The following MFAP3 variants were observed in gnomAD, a reference collection of about 807,000 sequenced individuals.
The protein encoded by MFAP3 is microfibril associated protein 3, also known as microfibril-associated glycoprotein 3.
MFAP3 carries 8 observed loss-of-function variants against 20.5 expected under a neutral mutation model. That is an observed-to-expected ratio of 0.39 (90% CI 0.23 to 0.70). The LOEUF is 0.70. MFAP3 is among the 30% of genes least tolerant of loss of function. The pLI, the probability that MFAP3 is intolerant of heterozygous loss-of-function variation, is 0.44. For missense variants in MFAP3, 398 were observed against 444.6 expected (o/e 0.90, Z 0.94); for synonymous variants, 140 against 154.0 (o/e 0.91, Z 0.67).
In MFAP3 at chr5:154,054,349, C is replaced by T. The variant is rs1773280306; in HGVS notation, c.*636C>T. 1 of 166,892 alleles carries T rather than the reference C, an allele frequency of 6.0e-6. No individual in the cohort carries two copies. Among genetic ancestry groups the T allele is most frequent in the Non-Finnish European group, 1.5e-5 (1 of 68,176 alleles). The allele number at this position is 166,892 out of a possible 1,614,324, so 10.3% of individuals were successfully genotyped here. ...AAGATTGAATCTTTTCAATGTAGCA[C>T]ATGTCTGTAGGGTTATACAGATGTC... On this transcript the variant is annotated 3_prime_UTR_variant, in exon 3 of 3. Transcript: ENST00000522782.
Position 154,056,307 on chromosome 5 carries a change from A to G in MFAP3, c.*2594A>G, listed in dbSNP as rs1773331153. Among the ~76,000 whole-genome samples, 1 of 152,226 alleles carries G rather than the reference A, an allele frequency of 6.6e-6. No homozygotes were observed. The highest frequency in any genetic ancestry group is 6.5e-5 in the Admixed American group (1 of 15,284). On this transcript the variant is annotated 3_prime_UTR_variant, in exon 3 of 3. Transcript: ENST00000522782. ...GTACCAGCTTATGGTGCCATTGATG[A>G]GGAATTAAAGTAGGTCAAAATTTAA...
chr5:154,043,313 G>A (rs1384437333), intron 1 of MFAP3, among the ~76,000 whole-genome samples: 1 of 152,164 alleles, frequency 6.6e-6, no homozygotes, highest in Non-Finnish European at 1.5e-5. Flanking sequence ...ACTTTGGGAG[G>A]CCGAGGCAGC....
intron 2 of MFAP3, among the ~76,000 whole-genome samples, chr5:154,050,610 C>CTTTTTTTTTTTTTTTTTTTTTTTTT (rs11167656): frequency 1.1e-4 from 10 of 93,280 alleles, no homozygotes; most frequent in Middle Eastern, 6.6e-3. Flanking sequence ...CCTTCCAGCT[C>CTTTTTTTTTTTTTTTTTTTTTTTTT]TTTTTTTTTT....
At chr5:154,040,815 A>G (rs1772925188) in intron 1 of MFAP3, among the ~76,000 whole-genome samples, 1 of 152,218 alleles carries the variant, frequency 6.6e-6, no homozygotes, top group South Asian at 2.1e-4. Flanking sequence ...ATGATTCTCT[A>G]GAGTGTTCTG....
In MFAP3 at chr5:154,046,857, A is replaced by G. The variant is rs555242375; in HGVS notation, c.-166-2700A>G. ...GACCATACCCCCAGGTGATCTGCCC[A>G]CGTTTGAGCCTCTCAGTTGTTTGAC... On this transcript the variant is annotated intron_variant, in intron 1 of 2. Transcript: ENST00000522782. 2.0e-5 allele frequency among the ~76,000 whole-genome samples: 3 copies of G among 152,168 alleles called. 1 individual carries two copies. The South Asian group carries it at 6.2e-4, about 32-fold the overall frequency.
rs749684883 is a variant in MFAP3, at chr5:154,055,116, C to T, written c.*1403C>T. On this transcript the variant is annotated 3_prime_UTR_variant, in exon 3 of 3. Transcript: ENST00000522782. ...TCTTCAGCTACAGGAAGCGTGGTGC[C>T]ATATAATTTTAAGAACTTGGCAGTG... is the stretch of plus-strand genomic sequence containing the variant. 1.2e-5 allele frequency: 2 copies of T among 166,932 alleles called. No homozygotes were observed. The highest frequency in any genetic ancestry group is 2.9e-5 in the Non-Finnish European group (2 of 68,100). 10.3% of individuals were successfully genotyped at this position (166,932 alleles called of 1,614,324 possible).
chr5:154,051,675 T>C (rs551493920), intron 2 of MFAP3: 140 of 152,306 alleles, frequency 9.2e-4, no homozygotes, highest in Middle Eastern at 3.4e-3. Context: ...TATTCATAAC[T>C]ACATGTTTTC....
At chr5:154,043,709 A>G (rs1773013820) in intron 1 of MFAP3, among the ~76,000 whole-genome samples, 2 of 149,478 alleles carry the variant, frequency 1.3e-5, no homozygotes, top group South Asian at 2.1e-4. Flanking sequence ...CAGCTGCTAC[A>G]TTAAAAACAG....
intron 1 of MFAP3, among the ~76,000 whole-genome samples, chr5:154,040,303 G>A (rs1240397908): frequency 6.6e-6 from 1 of 152,200 alleles, no homozygotes; most frequent in Admixed American, 6.5e-5. Flanking sequence ...AACATAGATA[G>A]CATTTCTGTA....
chr5:154,041,232 C>A (rs1452566177), intron 1 of MFAP3, among the ~76,000 whole-genome samples: 1 of 151,962 alleles, frequency 6.6e-6, no homozygotes, highest in African/African-American at 2.4e-5. Context: ...TACAGTTTCC[C>A]CCAGAAAGAT....
intron 1 of MFAP3, 50 bp downstream of exon 1, chr5:154,039,061 C>G (rs1377634647): frequency 6.6e-6 from 1 of 152,202 alleles, no homozygotes; most frequent in Non-Finnish European, 1.5e-5. Context: ...CTAGGAGCGC[C>G]GAGGCGTGAG....
Position 154,056,348 on chromosome 5 carries a change from CT to C in MFAP3, c.*2637del, listed in dbSNP as rs138205372. ...CAAAATTTAATTGGAGTTGGTATTACTTCGTAAAGCTAGTTTTCAAGAGGAA... is the reference window on the plus strand; with the variant it reads ...CAAAATTTAATTGGAGTTGGTATTACTCGTAAAGCTAGTTTTCAAGAGGAA... On this transcript the variant is annotated 3_prime_UTR_variant, in exon 3 of 3. Coordinates refer to ENST00000522782, the MANE Select transcript of MFAP3 (RefSeq NM_005927.5). 0.011 allele frequency among the ~76,000 whole-genome samples: 1,714 copies of C among 152,256 alleles called. 43 individuals carry two copies. The highest frequency in any genetic ancestry group is 0.039 in the African/African-American group (1,608 of 41,534).
chr5:154,043,194 G>A (rs1222059779), intron 1 of MFAP3, among the ~76,000 whole-genome samples: 1 of 152,110 alleles, frequency 6.6e-6, no homozygotes, highest in Admixed American at 6.5e-5. Context: ...AGATGAAAAA[G>A]GAGTTGGATT....
At chr5:154,040,079 A>G (rs975341956) in intron 1 of MFAP3, among the ~76,000 whole-genome samples, 1 of 152,220 alleles carries the variant, frequency 6.6e-6, no homozygotes, top group Non-Finnish European at 1.5e-5. Context: ...TTTGGGGCTA[A>G]AGTATGGAAT....
intron 1 of MFAP3, among the ~76,000 whole-genome samples, chr5:154,041,638 G>A (rs1359653813): frequency 6.6e-6 from 1 of 152,360 alleles, no homozygotes; most frequent in African/African-American, 2.4e-5. Context: ...CTCATGGGCA[G>A]TGAGAAATCA....
chr5:154,049,879 A>G lies in MFAP3; in HGVS notation c.157A>G (p.Ser53Gly), dbSNP rs748271641. 4.7e-5 allele frequency: 76 copies of G among 1,613,610 alleles called. No homozygotes were observed. The highest frequency in any genetic ancestry group is 6.2e-5 in the Non-Finnish European group (73 of 1,179,732). The change falls in exon 2 of 3, where the codon AGT becomes GGT. Residue 53 changes from serine to glycine, a missense_variant. Transcript: ENST00000522782. ...SFPSSFELSA[S>G]SHSDDDVIIA... is the part of the protein sequence containing the mutation. Reference sequence around the variant, plus strand: ...TCCCTCAAGCTTTGAACTCTCAGCAAGTTCCCACTCGGATGATGATGTCAT... The same window carrying G: ...TCCCTCAAGCTTTGAACTCTCAGCAGGTTCCCACTCGGATGATGATGTCAT...
intron 1 of MFAP3, 132 bp from the exon 2 acceptor site, chr5:154,049,425 A>G (rs1223066185): frequency 6.9e-6 from 2 of 288,452 alleles, no homozygotes; most frequent in Non-Finnish European, 6.6e-6. Context: ...ATTTTTAGGT[A>G]CTGTTCCATC....
At position 154,053,679 on chromosome 5, in the gene MFAP3, A is replaced by T; in HGVS notation, c.1055A>T (p.Tyr352Phe). The T allele has an allele frequency of 6.2e-7, 1 of 1,613,314 alleles. No homozygotes were observed. Among genetic ancestry groups the T allele is most frequent in the Non-Finnish European group, 8.5e-7 (1 of 1,179,428 alleles). ...GGATCTGCAGAATCTAACTGTAACT[A>T]CAAAGATGGGGCATATGAAAACTGT... ...DIGSAESNCN[Y>F]KDGAYENCQL Residue 352 changes from tyrosine (Y) to phenylalanine (F), a missense_variant, in exon 3 of 3, where the codon TAC (tyrosine) becomes TTC (phenylalanine). Transcript: ENST00000522782.
chr5:154,052,934 G>A lies in MFAP3; in HGVS notation c.310G>A (p.Val104Ile). The A allele has an allele frequency of 6.2e-7, 1 of 1,610,126 alleles. No individual in the cohort carries two copies. The highest frequency in any genetic ancestry group is 8.5e-7 in the Non-Finnish European group (1 of 1,177,164). ...DGRSRGGKWL[V>I]SDNFLNITNV... Reference sequence around the variant, plus strand: ...TCAATTATCAGGTGGAAAGTGGTTGGTTTCTGATAACTTCCTAAACATCAC... The same window carrying A: ...TCAATTATCAGGTGGAAAGTGGTTGATTTCTGATAACTTCCTAAACATCAC... The change falls in exon 3 of 3, where the codon GTT becomes ATT. Residue 104 changes from valine (V) to isoleucine (I), a missense_variant. Transcript: ENST00000522782.
Sources: gnomAD v4.1 joint callset for allele counts (sites outside exome capture counted in the v4.1 genomes callset) on GRCh38, gnomAD v4.1.1 for gene constraint, MANE v1.5 for transcripts, NCBI Gene and HGNC (gene_info 2026-07-23, HGNC 2026-07-21) for gene names.